Variants in ATRNL1 observed in about 807,000 individuals in gnomAD.
The protein encoded by ATRNL1 is attractin like 1, also known as attractin-like protein 1.
Under a neutral mutation model 182.7 loss-of-function variants are expected in ATRNL1, and 95 were observed. The observed-to-expected ratio is 0.52, with a 90% CI of 0.44 to 0.62. ATRNL1 has a LOEUF of 0.62. Ranked by LOEUF, ATRNL1 falls within the 20% of genes least tolerant of loss-of-function variation. The pLI is 0.00. For synonymous variants in ATRNL1, 576 were observed against 568.3 expected, an observed-to-expected ratio of 1.01 and a Z score of -0.19; for missense variants, 1,471 against 1,679.5, an observed-to-expected ratio of 0.88 and a Z score of 2.17.
At chr10:115,215,412 A>G (rs1161536432) in intron 8 of ATRNL1, among the ~76,000 whole-genome samples, 2 of 152,232 alleles carry the variant, frequency 1.3e-5, no homozygotes, top group Non-Finnish European at 2.9e-5. Context: ...TTTATGTAAT[A>G]TAAGAATAAA....
intron 19 of ATRNL1, among the ~76,000 whole-genome samples, chr10:115,386,826 C>T (rs1402539428): frequency 8.7e-6 from 1 of 115,134 alleles, no homozygotes; most frequent in Non-Finnish European, 1.8e-5. Flanking sequence ...CCCCCCACCC[C>T]ACAACAGTCC....
chr10:115,541,248 A>G (rs1852340870), intron 25 of ATRNL1, among the ~76,000 whole-genome samples: 1 of 152,192 alleles, frequency 6.6e-6, no homozygotes, highest in South Asian at 2.1e-4. Context: ...CAAAAATGAC[A>G]ATAGACTGAC....
chr10:115,618,710 T>C (rs1555021643), intron 26 of ATRNL1, among the ~76,000 whole-genome samples: 1 of 152,188 alleles, frequency 6.6e-6, no homozygotes, highest in Non-Finnish European at 1.5e-5. Context: ...GTAGAATTAT[T>C]TATTTAGATC....
intron 1 of ATRNL1, among the ~76,000 whole-genome samples, chr10:115,098,618 C>T (rs543276968): frequency 1.3e-5 from 2 of 151,812 alleles, no homozygotes; most frequent in South Asian, 2.1e-4. Context: ...CCCGCCACTA[C>T]GCCCGGCTAA....
intron 25 of ATRNL1, among the ~76,000 whole-genome samples, chr10:115,541,450 A>C (rs1324577188): frequency 1.3e-5 from 2 of 152,214 alleles, no homozygotes; most frequent in Non-Finnish European, 2.9e-5. Context: ...CTTTTAGTAC[A>C]CTAGAAATTG....
At position 115,448,993 on chromosome 10, in the gene ATRNL1, G is replaced by C. The variant is rs910729029; in HGVS notation, c.3323-12948G>C. ...CTATTCCAAAAAGTTGAGGAGAAGG[G>C]ACCCCTCCCCATATTATTCTATGAT... On this transcript the variant is annotated intron_variant, in intron 21 of 28. Transcript: ENST00000355044. 2.0e-5 allele frequency among the ~76,000 whole-genome samples: 3 copies of C among 152,276 alleles called. No individual in the cohort carries two copies. In the East Asian group the frequency reaches 5.8e-4, roughly 29 times the overall value.
intron 5 of ATRNL1, among the ~76,000 whole-genome samples, chr10:115,151,881 A>G (rs536130349): frequency 1.2e-3 from 186 of 152,300 alleles, no homozygotes; most frequent in African/African-American, 4.2e-3. Context: ...ATCTTGAATT[A>G]ATTTTTGTAT....
chr10:115,513,098 T>G (rs558715718), intron 24 of ATRNL1, among the ~76,000 whole-genome samples: 1 of 152,126 alleles, frequency 6.6e-6, no homozygotes, highest in South Asian at 2.1e-4. Flanking sequence ...ACGTATGGCC[T>G]AAGACAATTC....
At chr10:115,126,328 G>A (rs1204119800) in intron 3 of ATRNL1, among the ~76,000 whole-genome samples, 4 of 152,148 alleles carry the variant, frequency 2.6e-5, no homozygotes, top group African/African-American at 7.2e-5. Flanking sequence ...AAAGTACTGG[G>A]ATTACAGGCA....
chr10:115,433,473 TC>T (rs1202614660), intron 21 of ATRNL1, among the ~76,000 whole-genome samples: 1 of 152,168 alleles, frequency 6.6e-6, no homozygotes, highest in African/African-American at 2.4e-5. Flanking sequence ...GGCAGAGTGA[TC>T]TTAATAAACA....
intron 21 of ATRNL1, among the ~76,000 whole-genome samples, chr10:115,450,905 A>G (rs584572): frequency 6.6e-6 from 1 of 152,112 alleles, no homozygotes; most frequent in Non-Finnish European, 1.5e-5. Context: ...CCAAAACAGC[A>G]TGATACTGGT....
chr10:115,449,774 G>C (rs1425827500), intron 21 of ATRNL1, among the ~76,000 whole-genome samples: 3 of 152,126 alleles, frequency 2.0e-5, no homozygotes, highest in Admixed American at 2.0e-4. Context: ...ACCCATGAAG[G>C]GTCAGGGAAA....
chr10:115,631,473 GACA>G (rs1858506622), intron 26 of ATRNL1, among the ~76,000 whole-genome samples: 1 of 151,950 alleles, frequency 6.6e-6, no homozygotes, highest in Admixed American at 6.6e-5. Context: ...GAAATAGAAA[GACA>G]ATGTATGCTA....
rs574577038 is a variant in ATRNL1, at chr10:115,546,884, A to G, written c.3717-2574A>G. Among the ~76,000 whole-genome samples, 16 of 152,292 alleles carry G rather than the reference A, an allele frequency of 1.1e-4. No homozygotes were observed. In the South Asian group the frequency reaches 1.5e-3, roughly 14 times the overall value. ...ACAAGAAAACCTGTATATTCTTTAA[A>G]TATATAAAGAAGTTTTAGCATACAG... On this transcript the variant is annotated intron_variant, in intron 25 of 28. Transcript: ENST00000355044.
chr10:115,464,639 T>G (rs1175325523), intron 22 of ATRNL1, among the ~76,000 whole-genome samples: 1 of 151,866 alleles, frequency 6.6e-6, no homozygotes, highest in Non-Finnish European at 1.5e-5. Context: ...GTTTTATAGG[T>G]TTTTTAAATA....
At chr10:115,787,208 G>A (rs1404934791) in intron 27 of ATRNL1, among the ~76,000 whole-genome samples, 1 of 152,108 alleles carries the variant, frequency 6.6e-6, no homozygotes. Flanking sequence ...CAATAGTCTT[G>A]TACCTTGTTT....
chr10:115,899,404 G>A (rs756794636), intron 28 of ATRNL1, among the ~76,000 whole-genome samples: 5 of 152,084 alleles, frequency 3.3e-5, no homozygotes, highest in Non-Finnish European at 7.4e-5. Flanking sequence ...CACCTCCCAG[G>A]TTCAAGCGAT....
chr10:115,795,980 A>G lies in ATRNL1; in HGVS notation c.3904-51897A>G, dbSNP rs537689843. 5.9e-5 allele frequency among the ~76,000 whole-genome samples: 9 copies of G among 152,152 alleles called. No individual in the cohort carries two copies. The Middle Eastern group carries it at 0.014, about 230-fold the overall frequency. On this transcript the variant is annotated intron_variant, in intron 27 of 28. Transcript: ENST00000355044. ...TTATCCTGCTAATGCCCTTGTGCTG[A>G]GTGCCAGATCACTCCCACATCTAGC...
rs79845738 is a variant in ATRNL1 at position 115,797,412 on chromosome 10, A to T, written c.3904-50465A>T. Among the ~76,000 whole-genome samples, 946 of 152,252 alleles carry T rather than the reference A, an allele frequency of 6.2e-3. 3 individuals carry two copies. The highest frequency in any genetic ancestry group is 0.01 in the Middle Eastern group (3 of 294). On this transcript the variant is annotated intron_variant, in intron 27 of 28. Coordinates refer to ENST00000355044, the MANE Select transcript of ATRNL1 (RefSeq NM_207303.4). ...GCACTGGGATACTCACCAAGCAGGT[A>T]TCAACTTTTATAGGCACCTGAAGGC...
Sources: gnomAD v4.1 joint callset for allele counts (sites outside exome capture counted in the v4.1 genomes callset) on GRCh38, gnomAD v4.1.1 for gene constraint, MANE v1.5 for transcripts, NCBI Gene and HGNC (gene_info 2026-07-23, HGNC 2026-07-21) for gene names.